Variants in IL1R2 observed in about 807,000 individuals in gnomAD.
The protein encoded by IL1R2 is interleukin-1 receptor type 2.
A neutral mutation model predicts 39.5 loss-of-function variants in IL1R2; 46 were observed. That is an observed-to-expected ratio of 1.16 (90% CI 0.92 to 1.49). The LOEUF is 1.49. Ranked by LOEUF, IL1R2 falls within the 40% of genes most tolerant of loss-of-function variation. IL1R2 has a pLI of 0.00. For missense variants in IL1R2, 537 were observed against 502.0 expected (o/e 1.07, Z -0.67); for synonymous variants, 207 against 189.6 (o/e 1.09, Z -0.75).
Position 102,019,746 on chromosome 2 carries a change from G to A in IL1R2, c.622G>A (p.Val208Ile), listed in dbSNP as rs1293774807. Residue 208 changes from valine (V) to isoleucine (I), a missense_variant, in exon 5 of 9, where the codon GTC becomes ATC. Coordinates refer to ENST00000332549, the MANE Select transcript of IL1R2 (RefSeq NM_004633.4). ...ALEDAGYYRC[V>I]LTFAHEGQQY... is the part of the protein sequence containing the mutation. ...GGAAGATGCTGGCTATTACCGCTGT[G>A]TCCTGACATTTGCCCATGAAGGCCA... is the stretch of plus-strand genomic sequence containing the variant. The A allele has an allele frequency of 6.2e-7, 1 of 1,614,084 alleles. No individual in the cohort carries two copies. The highest frequency in any genetic ancestry group is 2.2e-5 in the East Asian group (1 of 44,898).
chr2:102,012,696 C>CAA (rs1205579638), intron 3 of IL1R2, among the ~76,000 whole-genome samples: 1 of 152,178 alleles, frequency 6.6e-6, no homozygotes, highest in African/African-American at 2.4e-5. Context: ...AAGAAGCAGG[C>CAA]AAACCATCTT....
At chr2:101,996,611 CAG>C (rs1553612779) in intron 1 of IL1R2, among the ~76,000 whole-genome samples, 5 of 148,824 alleles carry the variant, frequency 3.4e-5, no homozygotes. Context: ...GCACATTTTC[CAG>C]AGAGTGGAAG....
At chr2:101,993,340 A>G (rs1559407734) in intron 1 of IL1R2, among the ~76,000 whole-genome samples, 1 of 152,106 alleles carries the variant, frequency 6.6e-6, no homozygotes, top group Non-Finnish European at 1.5e-5. Flanking sequence ...TTCCACCTGC[A>G]AATAGTAAGG....
intron 5 of IL1R2, among the ~76,000 whole-genome samples, chr2:102,021,372 A>G (rs1677387397): frequency 6.8e-6 from 1 of 147,386 alleles, no homozygotes; most frequent in Non-Finnish European, 1.5e-5. Flanking sequence ...CTGGAGTGCA[A>G]TGGCGCGATC....
chr2:102,002,429 A>G (rs1340892107), intron 1 of IL1R2, among the ~76,000 whole-genome samples: 2 of 117,870 alleles, frequency 1.7e-5, no homozygotes, highest in Admixed American at 8.5e-5. Context: ...TATGTCTGTG[A>G]CTTTGTCCCC....
intron 1 of IL1R2, among the ~76,000 whole-genome samples, chr2:101,996,716 A>G (rs1416429522): frequency 6.6e-6 from 1 of 151,604 alleles, no homozygotes; most frequent in African/African-American, 2.4e-5. Context: ...ATATGTATAT[A>G]TAGTAGTGAG....
intron 1 of IL1R2, among the ~76,000 whole-genome samples, chr2:101,996,551 C>G (rs4321386): frequency 0.12 from 16,413 of 133,396 alleles, 1,136 homozygotes; most frequent in East Asian, 0.31. Context: ...ACCCTGGACA[C>G]AGGGCTTGGG....
intron 6 of IL1R2, among the ~76,000 whole-genome samples, 164 bp from the exon 7 acceptor site, chr2:102,024,369 C>A (rs1677594529): frequency 6.6e-6 from 1 of 152,192 alleles, no homozygotes; most frequent in Admixed American, 6.5e-5. Flanking sequence ...AACAGTAAAG[C>A]TCTGTGTGAA....
intron 1 of IL1R2, among the ~76,000 whole-genome samples, chr2:102,007,693 T>C (rs1676352543): frequency 6.6e-6 from 1 of 152,198 alleles, no homozygotes; most frequent in African/African-American, 2.4e-5. Flanking sequence ...TGTAAAGTTT[T>C]TCCCCTATTG....
chr2:102,011,165 C>T (rs1324486655), intron 3 of IL1R2, among the ~76,000 whole-genome samples: 1 of 152,192 alleles, frequency 6.6e-6, no homozygotes, highest in African/African-American at 2.4e-5. Flanking sequence ...TGACTTGCTT[C>T]CTCCTTTCAG....
intron 5 of IL1R2, among the ~76,000 whole-genome samples, chr2:102,021,305 C>CTTTTTTTT (rs546019141): frequency 8.1e-6 from 1 of 122,844 alleles, no homozygotes; most frequent in Non-Finnish European, 1.7e-5. Flanking sequence ...CTTTTCTTTT[C>CTTTTTTTT]TTTTTTTTTT....
intron 1 of IL1R2, among the ~76,000 whole-genome samples, chr2:102,000,678 G>T (rs1055288907): frequency 3.3e-5 from 5 of 152,198 alleles, no homozygotes; most frequent in Non-Finnish European, 7.3e-5. Context: ...GGCCCCTCTA[G>T]CTCCAGGTGT....
chr2:102,017,426 C>T (rs1677078127), intron 4 of IL1R2, among the ~76,000 whole-genome samples: 1 of 148,624 alleles, frequency 6.7e-6, no homozygotes, highest in African/African-American at 2.5e-5. Context: ...CACATGATAG[C>T]AAACTTTTGG....
At chr2:102,013,544 AAAAAAAAAG>A (rs1281008016) in intron 3 of IL1R2, among the ~76,000 whole-genome samples, 3 of 144,064 alleles carry the variant, frequency 2.1e-5, no homozygotes, top group African/African-American at 7.9e-5. Context: ...AAAAAAAAAA[AAAAAAAAAG>A]GAAAGAAAGA....
At chr2:102,006,543 T>G (rs13408303) in intron 1 of IL1R2, among the ~76,000 whole-genome samples, 1 of 152,134 alleles carries the variant, frequency 6.6e-6, no homozygotes, top group Non-Finnish European at 1.5e-5. Context: ...CTGGATTTAC[T>G]GCAAGTCATT....
At chr2:102,020,046 T>G (rs560789105) in intron 5 of IL1R2, among the ~76,000 whole-genome samples, 1 of 152,346 alleles carries the variant, frequency 6.6e-6, no homozygotes, top group East Asian at 1.9e-4. Flanking sequence ...GTTATAGGGT[T>G]GCAAGATGAA....
intron 3 of IL1R2, 97 bp downstream of exon 3, chr2:102,009,923 A>C: frequency 7.2e-7 from 1 of 1,394,660 alleles, no homozygotes; most frequent in Non-Finnish European, 9.9e-7. Context: ...TCCAGTGTAC[A>C]AAATACAAAT....
rs142516097 is a variant in IL1R2, at chr2:102,019,799, G to A, written c.675G>A (p.Glu225=). ...AATACAACATCACTAGGAGTATTGA[G>A]CTACGCATCAAGAGTAAGTACTTGC... is the stretch of plus-strand genomic sequence containing the variant. ...GQQYNITRSI[E]LRIKKKKEET... The change falls in exon 5 of 9, where the codon GAG becomes GAA. Residue 225 remains glutamate, a synonymous_variant. Transcript: ENST00000332549. 3.5e-5 allele frequency: 57 copies of A among 1,613,808 alleles called. No individual in the cohort carries two copies. The African/African-American group carries it at 7.1e-4, about 20-fold the overall frequency.
chr2:102,025,000 T>C (rs180895718), intron 7 of IL1R2, among the ~76,000 whole-genome samples: 1 of 152,194 alleles, frequency 6.6e-6, no homozygotes, highest in Non-Finnish European at 1.5e-5. Flanking sequence ...GCAACCTGAC[T>C]ATCAAACATT....
Sources: gnomAD v4.1 joint callset for allele counts (sites outside exome capture counted in the v4.1 genomes callset) on GRCh38, gnomAD v4.1.1 for gene constraint, MANE v1.5 for transcripts, NCBI Gene and HGNC (gene_info 2026-07-23, HGNC 2026-07-21) for gene names.